Variants in PIK3CG observed in about 807,000 individuals in gnomAD.
The protein encoded by PIK3CG is phosphatidylinositol-4,5-bisphosphate 3-kinase catalytic subunit gamma, also known as phosphatidylinositol 4,5-bisphosphate 3-kinase catalytic subunit gamma isoform.
Under a neutral mutation model 102.3 loss-of-function variants are expected in PIK3CG, and 55 were observed. The ratio of observed to expected loss-of-function variants is 0.54; its 90% CI spans 0.43 to 0.67. PIK3CG has a LOEUF of 0.67. Among genes scored for constraint, PIK3CG ranks in the 30% least tolerant of loss-of-function variants. The pLI is 0.00. For synonymous variants in PIK3CG, 552 were observed against 540.0 expected, an observed-to-expected ratio of 1.02 and a Z score of -0.31; for missense variants, 1,258 against 1,391.8, an observed-to-expected ratio of 0.90 and a Z score of 1.53.
In PIK3CG at chr7:106,872,546, T is replaced by C; in HGVS notation, c.2005T>C (p.Phe669Leu). The C allele has an allele frequency of 6.2e-7, 1 of 1,613,572 alleles. No homozygotes were observed. Among genetic ancestry groups the C allele is most frequent in the Non-Finnish European group, 8.5e-7 (1 of 1,179,436 alleles). ...YLLQLVQAVK[F>L]EPYHDSALAR... ...TGTGTTCTTCCTTTAGGCTGTGAAA[T>C]TTGAACCATACCATGATAGCGCCCT... Residue 669 changes from phenylalanine to leucine, a missense_variant, in exon 3 of 11, where the codon TTT (phenylalanine) becomes CTT (leucine). Physicochemically the swap from Phe to Leu is conservative, Grantham distance 22 (BLOSUM62 0). Coordinates refer to ENST00000496166, the MANE Select transcript of PIK3CG (RefSeq NM_001282426.2). The surrounding 1 kb of genome is among the most constrained non-coding windows in gnomAD (Gnocchi z 5.3).
At position 106,869,211 on chromosome 7, in the gene PIK3CG, G is replaced by A. The variant is rs764939882; in HGVS notation, c.1650G>A (p.Gln550=). The change falls in exon 2 of 11, where the codon CAG becomes CAA. Residue 550 remains glutamine (Q), a synonymous_variant. Transcript: ENST00000496166. This position sits in a 1 kb window ranked among gnomAD's most constrained non-coding sequence, Gnocchi z 5.3. ...GDRVRAEMPN[Q]LRKQLEAIIA... ...GGGTTCGAGCAGAAATGCCCAACCAGCTTCGCAAGCAATTGGAGGCGATCA... is the reference window on the plus strand; with the variant it reads ...GGGTTCGAGCAGAAATGCCCAACCAACTTCGCAAGCAATTGGAGGCGATCA... The A allele has an allele frequency of 1.4e-5, 22 of 1,614,064 alleles. No individual in the cohort carries two copies. Among genetic ancestry groups the A allele is most frequent in the South Asian group, 2.2e-5 (2 of 91,088 alleles).
intron 10 of PIK3CG, among the ~76,000 whole-genome samples, chr7:106,889,906 T>G (rs766647708): frequency 6.6e-6 from 1 of 152,210 alleles, no homozygotes; most frequent in Non-Finnish European, 1.5e-5. Context: ...CAGGAGTATC[T>G]ATTAGCCATT....
At chr7:106,885,860 G>A (rs1235976236) in intron 9 of PIK3CG, among the ~76,000 whole-genome samples, 3 of 152,096 alleles carry the variant, frequency 2.0e-5, no homozygotes, top group African/African-American at 7.2e-5. Flanking sequence ...TTTGATTTAT[G>A]TTTCTAAGAA....
rs540833930 is a variant in PIK3CG, at chr7:106,879,954, A to G, written c.2538+289A>G. Among the ~76,000 whole-genome samples the G allele has an allele frequency of 6.6e-6, 1 of 152,322 alleles. No individual in the cohort carries two copies. Among genetic ancestry groups the G allele is most frequent in the East Asian group, 1.9e-4 (1 of 5,178 alleles). On this transcript the variant is annotated intron_variant, in intron 6 of 10. Coordinates refer to ENST00000496166, the MANE Select transcript of PIK3CG (RefSeq NM_001282426.2). This position sits in a 1 kb window ranked among gnomAD's most constrained non-coding sequence, Gnocchi z 4.9. ...TTTTATACACCCCATTCTAAGCTTG[A>G]TAACATAGAAAATAGCCATATTTAT...
chr7:106,899,612 G>T lies in PIK3CG; in HGVS notation c.3031-5497G>T, dbSNP rs896446711. On this transcript the variant is annotated intron_variant, in intron 10 of 10. Transcript: ENST00000496166. The surrounding 1 kb of genome is among the most constrained non-coding windows in gnomAD (Gnocchi z 4.6). ...TATCGAAAGGCTTTTCTGTGTCTAT[G>T]GAGATAATCATGTGGTTTTTGTCTT... 2.0e-5 allele frequency among the ~76,000 whole-genome samples: 3 copies of T among 152,106 alleles called. No homozygotes were observed. The highest frequency in any genetic ancestry group is 2.0e-4 in the Admixed American group (3 of 15,256).
At chr7:106,881,400 C>T (rs17401277) in intron 6 of PIK3CG, among the ~76,000 whole-genome samples, 4,640 of 152,260 alleles carry the variant, frequency 0.03, 94 homozygotes, top group Non-Finnish European at 0.048. Context: ...AGTATATATT[C>T]GCTATCATTA....
Position 106,879,500 on chromosome 7 carries a change from T to C in PIK3CG, c.2392-19T>C. ...CGTTATTCATTGTGTGTGGGGAATA[T>C]GTGACTGCTTCCTTACAGATTGAAA... On this transcript the variant is annotated intron_variant, in intron 5 of 10. Coordinates refer to ENST00000496166, the MANE Select transcript of PIK3CG (RefSeq NM_001282426.2). This position sits in a 1 kb window ranked among gnomAD's most constrained non-coding sequence, Gnocchi z 4.9. 1.2e-6 allele frequency: 2 copies of C among 1,606,870 alleles called. No individual in the cohort carries two copies. The highest frequency in any genetic ancestry group is 1.7e-6 in the Non-Finnish European group (2 of 1,173,630).
Position 106,908,726 on chromosome 7 carries a change from G to A in PIK3CG, c.*3339G>A, listed in dbSNP as rs1027406003. ...CTGCAGTATAATTTGGAGGCTATTA[G>A]TGCTATATTAATGGAAATTAATTAT... On this transcript the variant is annotated 3_prime_UTR_variant, in exon 11 of 11. Coordinates refer to ENST00000496166, the MANE Select transcript of PIK3CG (RefSeq NM_001282426.2). The surrounding 1 kb of genome is among the most constrained non-coding windows in gnomAD (Gnocchi z 4.1). Among the ~76,000 whole-genome samples, 1 of 152,116 alleles carries A rather than the reference G, an allele frequency of 6.6e-6. No homozygotes were observed. The highest frequency in any genetic ancestry group is 1.5e-5 in the Non-Finnish European group (1 of 68,016).
In PIK3CG at chr7:106,899,739, T is replaced by A. The variant is rs1182162995; in HGVS notation, c.3031-5370T>A. 1.3e-5 allele frequency among the ~76,000 whole-genome samples: 2 copies of A among 152,220 alleles called. No homozygotes were observed. The highest frequency in any genetic ancestry group is 2.9e-5 in the Non-Finnish European group (2 of 68,038). ...ACTTGATCATGGTGGATTAGCTTTT[T>A]GATGTGCTGCTGGATTTGGTTTGCA... On this transcript the variant is annotated intron_variant, in intron 10 of 10. Coordinates refer to ENST00000496166, the MANE Select transcript of PIK3CG (RefSeq NM_001282426.2). This position sits in a 1 kb window ranked among gnomAD's most constrained non-coding sequence, Gnocchi z 4.6.
At chr7:106,885,296 C>T (rs150287245) in intron 9 of PIK3CG, among the ~76,000 whole-genome samples, 2 of 152,192 alleles carry the variant, frequency 1.3e-5, no homozygotes, top group East Asian at 1.9e-4. Flanking sequence ...CAGAAGCTGG[C>T]GAAGGTGGGA....
At chr7:106,878,175 G>T (rs1790819048) in intron 5 of PIK3CG, among the ~76,000 whole-genome samples, 2 of 151,886 alleles carry the variant, frequency 1.3e-5, no homozygotes, top group South Asian at 2.1e-4. Context: ...AGATTGACTG[G>T]TTTTTTTCTT....
chr7:106,886,271 C>T lies in PIK3CG; in HGVS notation c.3009C>T (p.Ser1003=), dbSNP rs2116562549. 1 of 1,614,080 alleles carries T rather than the reference C, an allele frequency of 6.2e-7. No homozygotes were observed. Among genetic ancestry groups the T allele is most frequent in the South Asian group, 1.1e-5 (1 of 91,068 alleles). ...TGGGAACTTCTGGAAAGAAGACAAGCCCACACTTCCAGAAATTTCAGGTAA... is the reference window on the plus strand; with the variant it reads ...TGGGAACTTCTGGAAAGAAGACAAGTCCACACTTCCAGAAATTTCAGGTAA... The part of the protein sequence containing the change: ...FVMGTSGKKT[S]PHFQKFQDIC... The change falls in exon 10 of 11, where the codon AGC becomes AGT. Residue 1003 remains serine, a synonymous_variant. Coordinates refer to ENST00000496166, the MANE Select transcript of PIK3CG (RefSeq NM_001282426.2).
At chr7:106,871,409 T>C (rs769574913) in intron 2 of PIK3CG, among the ~76,000 whole-genome samples, 4 of 152,224 alleles carry the variant, frequency 2.6e-5, no homozygotes, top group East Asian at 1.9e-4. Context: ...TAAACACTTG[T>C]ATAATTGAAA....
chr7:106,875,947 G>C (rs1199544632), intron 5 of PIK3CG, among the ~76,000 whole-genome samples: 1 of 112,290 alleles, frequency 8.9e-6, no homozygotes, highest in Admixed American at 1.2e-4. Context: ...TCGCTCTGTT[G>C]CCCAGGCCGG....
At chr7:106,875,462 C>A (rs1277373379) in intron 5 of PIK3CG, among the ~76,000 whole-genome samples, 2 of 151,936 alleles carry the variant, frequency 1.3e-5, no homozygotes, top group Non-Finnish European at 1.5e-5. Context: ...AGACATGTTA[C>A]AGAAAAAGTT....
At position 106,908,784 on chromosome 7, in the gene PIK3CG, G is replaced by A. The variant is rs758382160; in HGVS notation, c.*3397G>A. ...GTAAGTCCAAAAAATAATCTAGAAA[G>A]TAAGTTTCCAGAGCAAATCTGACCT... is the stretch of plus-strand genomic sequence containing the variant. On this transcript the variant is annotated 3_prime_UTR_variant, in exon 11 of 11. Transcript: ENST00000496166. The surrounding 1 kb of genome is among the most constrained non-coding windows in gnomAD (Gnocchi z 4.1). Among the ~76,000 whole-genome samples the A allele has an allele frequency of 1.3e-5, 2 of 152,242 alleles. No individual in the cohort carries two copies. The highest frequency in any genetic ancestry group is 1.9e-4 in the East Asian group (1 of 5,190).
At position 106,908,524 on chromosome 7, in the gene PIK3CG, C is replaced by T. The variant is rs1791748110; in HGVS notation, c.*3137C>T. ...AGCAGATGTTGTAGACCTAGCCCCACAGGACTGCATTTAGCTGCTTCAGTG... is the reference window on the plus strand; with the variant it reads ...AGCAGATGTTGTAGACCTAGCCCCATAGGACTGCATTTAGCTGCTTCAGTG... On this transcript the variant is annotated 3_prime_UTR_variant, in exon 11 of 11. Coordinates refer to ENST00000496166, the MANE Select transcript of PIK3CG (RefSeq NM_001282426.2). This position sits in a 1 kb window ranked among gnomAD's most constrained non-coding sequence, Gnocchi z 4.1. 6.6e-6 allele frequency among the ~76,000 whole-genome samples: 1 copy of T among 152,180 alleles called. No individual in the cohort carries two copies. Among genetic ancestry groups the T allele is most frequent in the African/African-American group, 2.4e-5 (1 of 41,434 alleles).
Position 106,867,839 on chromosome 7 carries a change from C to A in PIK3CG, c.278C>A (p.Pro93Gln), listed in dbSNP as rs2116423305. ...GCGGACTTCTACCACCGGCTGGGACCGCATCACTTCCTCCTGCTCTATCAG... is the reference window on the plus strand; with the variant it reads ...GCGGACTTCTACCACCGGCTGGGACAGCATCACTTCCTCCTGCTCTATCAG... ...VAADFYHRLGPHHFLLLYQKK... is the reference protein window; with the variant it reads ...VAADFYHRLGQHHFLLLYQKK... Residue 93 changes from proline to glutamine, a missense_variant, in exon 2 of 11, where the codon CCG (proline) becomes CAG (glutamine). Pro to Gln is a moderately conservative substitution (Grantham distance 76). This residue lies in a region of PIK3CG where 832 missense variants were observed against 787.5 expected (regional missense o/e 1.06). Transcript: ENST00000496166. The surrounding 1 kb of genome is among the most constrained non-coding windows in gnomAD (Gnocchi z 5.1). The A allele has an allele frequency of 6.2e-7, 1 of 1,612,594 alleles. No homozygotes were observed. Among genetic ancestry groups the A allele is most frequent in the Non-Finnish European group, 8.5e-7 (1 of 1,179,974 alleles).
chr7:106,883,617 C>T lies in PIK3CG; in HGVS notation c.2760+454C>T, dbSNP rs1791004680. Among the ~76,000 whole-genome samples, 1 of 152,166 alleles carries T rather than the reference C, an allele frequency of 6.6e-6. No homozygotes were observed. Among genetic ancestry groups the T allele is most frequent in the Admixed American group, 6.5e-5 (1 of 15,288 alleles). ...TGCTGAAAATGTCACTTCCACCATT[C>T]CTTGGAAGTGCATATGCTCAATCCT... On this transcript the variant is annotated intron_variant, in intron 8 of 10. Transcript: ENST00000496166. The surrounding 1 kb of genome is among the most constrained non-coding windows in gnomAD (Gnocchi z 5.8).
Sources: allele counts gnomAD v4.1 joint callset (sites outside exome capture counted in the v4.1 genomes callset), GRCh38; gene constraint gnomAD v4.1.1; regional missense constraint gnomAD v4.1.1; non-coding constraint Gnocchi (gnomAD v3.1); transcripts MANE v1.5; gene names NCBI Gene and HGNC (gene_info 2026-07-23, HGNC 2026-07-21).